MTM1: variants seen among roughly 807,000 people sequenced by gnomAD.
MTM1 encodes myotubularin.
MTM1 carries 9 observed loss-of-function variants against 52.1 expected under a neutral mutation model. The ratio of observed to expected loss-of-function variants is 0.17; its 90% CI spans 0.10 to 0.30. The LOEUF is 0.30. Ranked by LOEUF, MTM1 falls within the 10% of genes least tolerant of loss-of-function variation. The pLI, the probability that MTM1 is intolerant of heterozygous loss-of-function variation, is 1.00. For missense variants in MTM1, 277 were observed against 470.7 expected (o/e 0.59, Z 3.81); for synonymous variants, 136 against 163.8 (o/e 0.83, Z 1.29).
chrX:150,602,133 C>T (rs2039078256), intron 4 of MTM1, among the ~76,000 whole-genome samples: 1 of 112,129 alleles, frequency 8.9e-6, no homozygotes, highest in African/African-American at 3.2e-5. Context: ...GAAACCTTCC[C>T]TGGCCCTTTA....
chrX:150,660,660 C>T (rs2040205212), intron 13 of MTM1, among the ~76,000 whole-genome samples, 176 bp downstream of exon 13: 1 of 111,871 alleles, frequency 8.9e-6, no homozygotes, highest in Non-Finnish European at 1.9e-5. Context: ...GGCTGGGTAA[C>T]TTACAAAGAA....
rs141395865 is a variant in MTM1, at chrX:150,601,317, A to C, written c.231+2631A>C. 9.9e-3 allele frequency among the ~76,000 whole-genome samples: 1,107 copies of C among 112,018 alleles called. 12 individuals carry two copies. The highest frequency in any genetic ancestry group is 0.034 in the African/African-American group (1,043 of 30,868). On this transcript the variant is annotated intron_variant, in intron 4 of 14. Coordinates refer to ENST00000370396, the MANE Select transcript of MTM1 (RefSeq NM_000252.3). ...CAAGCAGCTGACAGCAGAAAACATCATATAAAGAATGCCATTTAAATGGTT... is the reference window on the plus strand; with the variant it reads ...CAAGCAGCTGACAGCAGAAAACATCCTATAAAGAATGCCATTTAAATGGTT...
At chrX:150,630,299 C>T (rs908331581) in intron 6 of MTM1, among the ~76,000 whole-genome samples, 1 of 111,380 alleles carries the variant, frequency 9.0e-6, no homozygotes, top group Admixed American at 9.5e-5. Context: ...GCCATGTTGG[C>T]CAGGCTGATC....
chrX:150,663,312 A>T (rs1557414777), intron 13 of MTM1, 121 bp from the exon 14 acceptor site: 1 of 785,263 alleles, frequency 1.3e-6, no homozygotes, highest in African/African-American at 2.1e-5. Flanking sequence ...TATTATGAGG[A>T]TAATGTAAAT....
At chrX:150,593,240 G>A (rs190980252) in intron 2 of MTM1, among the ~76,000 whole-genome samples, 2 of 112,323 alleles carry the variant, frequency 1.8e-5, no homozygotes, top group East Asian at 5.6e-4. Flanking sequence ...CCTCTGTCTC[G>A]TGAAATTACT....
intron 4 of MTM1, among the ~76,000 whole-genome samples, chrX:150,601,663 G>C (rs150008621): frequency 0.016 from 1,791 of 112,128 alleles, 32 homozygotes; most frequent in African/African-American, 0.055. Context: ...GATTGCCACA[G>C]TGGCCTGCTT....
At chrX:150,610,658 C>T (rs1320092490) in intron 4 of MTM1, among the ~76,000 whole-genome samples, 1 of 111,698 alleles carries the variant, frequency 9.0e-6, no homozygotes. Context: ...TTGAATGTGT[C>T]ATTCAGGGAG....
At chrX:150,584,105 G>A (rs2038737934) in intron 1 of MTM1, among the ~76,000 whole-genome samples, 1 of 99,702 alleles carries the variant, frequency 1.0e-5, no homozygotes, top group Non-Finnish European at 2.0e-5. Context: ...ACAAAAATAC[G>A]GTTCTTATAT....
chrX:150,580,951 T>C (rs1390069104), intron 1 of MTM1, among the ~76,000 whole-genome samples: 1 of 111,994 alleles, frequency 8.9e-6, no homozygotes, highest in Non-Finnish European at 1.9e-5. Flanking sequence ...CTAGGCAGCG[T>C]TCCAAAAGCC....
At chrX:150,650,197 C>T (rs2039996191) in intron 10 of MTM1, among the ~76,000 whole-genome samples, 1 of 108,940 alleles carries the variant, frequency 9.2e-6, no homozygotes, top group African/African-American at 3.4e-5. Flanking sequence ...TATTATCTAA[C>T]CATTACTGGA....
intron 6 of MTM1, among the ~76,000 whole-genome samples, chrX:150,619,881 A>T (rs1406015188): frequency 1.8e-5 from 2 of 111,659 alleles, no homozygotes; most frequent in Non-Finnish European, 3.8e-5. Context: ...TAAGTATAGG[A>T]TGATCATATT....
chrX:150,642,378 G>A (rs1557413873), intron 8 of MTM1, among the ~76,000 whole-genome samples: 1 of 111,898 alleles, frequency 8.9e-6, no homozygotes, highest in Non-Finnish European at 1.9e-5. Context: ...ATTCTGCTAA[G>A]GCAGTGTCTG....
intron 2 of MTM1, among the ~76,000 whole-genome samples, chrX:150,595,898 C>T (rs781825769): frequency 2.4e-4 from 27 of 112,668 alleles, no homozygotes; most frequent in Admixed American, 2.0e-3. Context: ...CAAATGGCTC[C>T]TAAGACTTTT....
chrX:150,636,379 T>C (rs1557413708), intron 6 of MTM1, among the ~76,000 whole-genome samples: 1 of 112,147 alleles, frequency 8.9e-6, no homozygotes, highest in African/African-American at 3.2e-5. Context: ...GAAATTTTCA[T>C]GTAAGATACA....
rs373023705 is a variant in MTM1, at chrX:150,647,221, A to ATATATG, written c.867+1350_867+1351insTATATG. 1.8e-3 allele frequency among the ~76,000 whole-genome samples: 182 copies of ATATATG among 101,617 alleles called. 2 individuals carry two copies. The highest frequency in any genetic ancestry group is 7.0e-3 in the African/African-American group (180 of 25,826). The allele number at this position is 101,617 out of a possible 115,157, so 88.2% of individuals were successfully genotyped here. On this transcript the variant is annotated intron_variant, in intron 9 of 14. Transcript: ENST00000370396. The stretch of plus-strand genomic sequence containing the variant: ...TATATATATATATATATATATATAT[A>ATATATG]GCAATATTTTCATGTACATATTTAG...
intron 14 of MTM1, among the ~76,000 whole-genome samples, chrX:150,668,667 C>CTACG: frequency 9.0e-6 from 1 of 111,038 alleles, no homozygotes; most frequent in Non-Finnish European, 1.9e-5. Flanking sequence ...TTTTGCTGAG[C>CTACG]TACGATTGCA....
chrX:150,583,877 T>A (rs2038718314), intron 1 of MTM1, among the ~76,000 whole-genome samples: 1 of 37,686 alleles, frequency 2.7e-5, no homozygotes, highest in African/African-American at 1.2e-4. Context: ...TAAATATATA[T>A]TAAATATATA....
At chrX:150,630,179 G>A (rs1249175457) in intron 6 of MTM1, among the ~76,000 whole-genome samples, 1 of 111,715 alleles carries the variant, frequency 9.0e-6, no homozygotes, top group East Asian at 2.8e-4. Flanking sequence ...TGCAACCTCC[G>A]CCTCCCGGGT....
chrX:150,640,865 C>T (rs1470084514), intron 7 of MTM1, among the ~76,000 whole-genome samples: 2 of 110,829 alleles, frequency 1.8e-5, no homozygotes, highest in Non-Finnish European at 3.8e-5. Flanking sequence ...GTTGCCTGAT[C>T]TCTTTTCTAC....
Sources: allele counts gnomAD v4.1 joint callset (sites outside exome capture counted in the v4.1 genomes callset), GRCh38; gene constraint gnomAD v4.1.1; transcripts MANE v1.5; gene names NCBI Gene and HGNC (gene_info 2026-07-23, HGNC 2026-07-21).